Variants in RBFOX1 observed in about 807,000 individuals in gnomAD.
The protein encoded by RBFOX1 is RNA binding protein fox-1 homolog 1.
In RBFOX1, 8 loss-of-function variants were observed where a neutral mutation model predicts 57.7. That is an observed-to-expected ratio of 0.14 (90% CI 0.08 to 0.25). RBFOX1 has a LOEUF of 0.25. Among genes scored for constraint, RBFOX1 ranks in the 10% least tolerant of loss-of-function variants. The pLI, the probability that RBFOX1 is intolerant of heterozygous loss-of-function variation, is 1.00. For synonymous variants in RBFOX1, 326 were observed against 222.4 expected, an observed-to-expected ratio of 1.47 and a Z score of -4.15; for missense variants, 611 against 548.5, an observed-to-expected ratio of 1.11 and a Z score of -1.14.
intron 4 of RBFOX1, among the ~76,000 whole-genome samples, chr16:7,156,597 A>G (rs1381882762): frequency 1.3e-5 from 2 of 152,124 alleles, no homozygotes; most frequent in African/African-American, 2.4e-5. Context: ...AGATATACAT[A>G]TATGTGTACA....
intron 1 of RBFOX1, among the ~76,000 whole-genome samples, chr16:5,265,158 C>G (rs192142342): frequency 6.6e-6 from 1 of 152,154 alleles, no homozygotes; most frequent in African/African-American, 2.4e-5. Context: ...GCTTAGAGAA[C>G]TACAGTGTGG....
chr16:7,667,683 GTTA>G (rs1381247018), intron 13 of RBFOX1, among the ~76,000 whole-genome samples: 2 of 136,768 alleles, frequency 1.5e-5, no homozygotes, highest in Non-Finnish European at 3.2e-5. Context: ...ACCTCTTTTT[GTTA>G]TTATTATATT....
chr16:5,541,203 A>G (rs1467359242), intron 2 of RBFOX1, among the ~76,000 whole-genome samples: 1 of 152,110 alleles, frequency 6.6e-6, no homozygotes, highest in African/African-American at 2.4e-5. Flanking sequence ...TGTTTAAGAT[A>G]AGAAGCCCTG....
chr16:7,185,184 T>C (rs1359791881), intron 4 of RBFOX1, among the ~76,000 whole-genome samples: 1 of 146,356 alleles, frequency 6.8e-6, no homozygotes, highest in African/African-American at 2.6e-5. Flanking sequence ...TTGATAAATT[T>C]CACATTATAC....
At chr16:6,199,390 C>G (rs539449912) in intron 1 of RBFOX1, among the ~76,000 whole-genome samples, 1 of 152,242 alleles carries the variant, frequency 6.6e-6, no homozygotes, top group Non-Finnish European at 1.5e-5. Flanking sequence ...GAGCTGTGAC[C>G]ATAGTCTCCC....
At chr16:6,031,631 GTGTA>G (rs1351901343) in intron 1 of RBFOX1, among the ~76,000 whole-genome samples, 1 of 152,202 alleles carries the variant, frequency 6.6e-6, no homozygotes, top group South Asian at 2.1e-4. Context: ...CTGCACGTGT[GTGTA>G]TGTATGTACA....
intron 3 of RBFOX1, among the ~76,000 whole-genome samples, chr16:6,973,563 T>C (rs1428971137): frequency 6.6e-6 from 1 of 152,184 alleles, no homozygotes. Flanking sequence ...AGTCTGTTTA[T>C]TTCTTTCTTC....
chr16:6,359,061 C>T (rs1005670576), intron 2 of RBFOX1, among the ~76,000 whole-genome samples: 3 of 151,140 alleles, frequency 2.0e-5, no homozygotes, highest in African/African-American at 7.4e-5. Flanking sequence ...AAATGCTCAG[C>T]TTGTTGTTGA....
intron 4 of RBFOX1, among the ~76,000 whole-genome samples, chr16:7,517,330 T>G (rs1343993806): frequency 1.3e-5 from 2 of 152,026 alleles, no homozygotes; most frequent in African/African-American, 2.4e-5. Flanking sequence ...TTTGCCTAGA[T>G]CTGAAGAATG....
intron 2 of RBFOX1, among the ~76,000 whole-genome samples, chr16:6,578,361 T>C (rs758642329): frequency 2.4e-4 from 37 of 152,030 alleles, no homozygotes; most frequent in Non-Finnish European, 4.3e-4. Flanking sequence ...GACACAGCAG[T>C]GGGTGAAAGT....
At chr16:7,002,545 C>G (rs1012682985) in intron 3 of RBFOX1, among the ~76,000 whole-genome samples, 1 of 152,058 alleles carries the variant, frequency 6.6e-6, no homozygotes, top group South Asian at 2.1e-4. Flanking sequence ...AACCCCGTCT[C>G]TACTAAAAAT....
chr16:6,293,710 G>T (rs1241092608), intron 1 of RBFOX1, among the ~76,000 whole-genome samples: 1 of 150,278 alleles, frequency 6.7e-6, no homozygotes, highest in Non-Finnish European at 1.5e-5. Context: ...GGTATGGGCA[G>T]GAAGACTCTA....
intron 1 of RBFOX1, among the ~76,000 whole-genome samples, chr16:6,205,742 T>C (rs941398130): frequency 2.6e-5 from 4 of 152,016 alleles, no homozygotes; most frequent in Admixed American, 6.6e-5. Flanking sequence ...GTGGTGTGTT[T>C]GGTTATTCTA....
intron 1 of RBFOX1, among the ~76,000 whole-genome samples, chr16:6,023,558 G>A (rs920472901): frequency 6.6e-6 from 1 of 152,128 alleles, no homozygotes; most frequent in Admixed American, 6.5e-5. Context: ...ATTCCAAGAG[G>A]GAAATCGTAT....
At chr16:6,879,729 C>T (rs191622742) in intron 3 of RBFOX1, among the ~76,000 whole-genome samples, 7 of 152,242 alleles carry the variant, frequency 4.6e-5, no homozygotes, top group South Asian at 4.1e-4. Context: ...GTAAATTCTA[C>T]CTCTGGATCC....
intron 4 of RBFOX1, among the ~76,000 whole-genome samples, chr16:5,954,114 C>G (rs1350200333): frequency 6.6e-6 from 1 of 152,158 alleles, no homozygotes; most frequent in Non-Finnish European, 1.5e-5. Context: ...ATGACGCAGT[C>G]CAAACGTCAG....
intron 4 of RBFOX1, among the ~76,000 whole-genome samples, chr16:7,055,745 T>C (rs948589052): frequency 6.6e-6 from 1 of 152,096 alleles, no homozygotes; most frequent in Admixed American, 6.6e-5. Context: ...AAAAGTAGGA[T>C]TTACTTAAAC....
intron 3 of RBFOX1, among the ~76,000 whole-genome samples, chr16:6,956,080 T>G (rs779106755): frequency 6.6e-6 from 1 of 152,272 alleles, no homozygotes; most frequent in East Asian, 1.9e-4. Flanking sequence ...TGAGTTACCT[T>G]CCCTTTGTTT....
intron 4 of RBFOX1, among the ~76,000 whole-genome samples, chr16:7,293,845 C>A (rs911677191): frequency 6.6e-6 from 1 of 152,098 alleles, no homozygotes; most frequent in Non-Finnish European, 1.5e-5. Flanking sequence ...TGCAATGATG[C>A]CAGGGACTAA....
Sources: gnomAD v4.1 joint callset for allele counts (sites outside exome capture counted in the v4.1 genomes callset) on GRCh38, gnomAD v4.1.1 for gene constraint, MANE v1.5 for transcripts, NCBI Gene and HGNC (gene_info 2026-07-23, HGNC 2026-07-21) for gene names.